The following EIPR1 variants were observed in gnomAD, a reference collection of about 807,000 sequenced individuals.
EIPR1 encodes the protein EARP and GARP complex-interacting protein 1.
A neutral mutation model predicts 48.1 loss-of-function variants in EIPR1; 25 were observed. The ratio of observed to expected loss-of-function variants is 0.52; its 90% CI spans 0.38 to 0.73. The LOEUF is 0.73. Ranked by LOEUF, EIPR1 falls within the 30% of genes least tolerant of loss-of-function variation. The probability of loss-of-function intolerance (pLI) is 0.00; values close to 1 mark genes in which losing one functional copy is unlikely to be tolerated. For missense variants in EIPR1, 415 were observed against 506.2 expected (o/e 0.82, Z 1.73); for synonymous variants, 204 against 201.9 (o/e 1.01, Z -0.09).
chr2:3,205,577 T>C (rs1665201633), intron 5 of EIPR1, among the ~76,000 whole-genome samples: 1 of 152,242 alleles, frequency 6.6e-6, no homozygotes, highest in African/African-American at 2.4e-5. Context: ...GATTCCTCAT[T>C]GTTTAAGTCA....
chr2:3,374,233 A>G (rs1232956337), intron 1 of EIPR1, among the ~76,000 whole-genome samples: 1 of 151,822 alleles, frequency 6.6e-6, no homozygotes, highest in Non-Finnish European at 1.5e-5. Flanking sequence ...TTAATTCAAG[A>G]TGGAATAAAG....
At chr2:3,327,137 G>C (rs934744956) in intron 3 of EIPR1, among the ~76,000 whole-genome samples, 31 of 152,346 alleles carry the variant, frequency 2.0e-4, no homozygotes, top group African/African-American at 7.2e-4. Flanking sequence ...AGCTAGGGTA[G>C]AGCGGGGCCT....
At chr2:3,200,071 G>A (rs1558217921) in intron 5 of EIPR1, among the ~76,000 whole-genome samples, 1 of 152,044 alleles carries the variant, frequency 6.6e-6, no homozygotes, top group Non-Finnish European at 1.5e-5. Flanking sequence ...GTGGCACCTG[G>A]GGCCTCACTA....
At chr2:3,246,808 G>C (rs1169897583) in intron 4 of EIPR1, among the ~76,000 whole-genome samples, 2 of 59,344 alleles carry the variant, frequency 3.4e-5, no homozygotes, top group East Asian at 8.6e-4. Flanking sequence ...AGGGAGGCAG[G>C]GAGGGAGGGA....
At chr2:3,356,114 A>C (rs1029185897) in intron 1 of EIPR1, among the ~76,000 whole-genome samples, 18 of 152,328 alleles carry the variant, frequency 1.2e-4, no homozygotes, top group Admixed American at 9.1e-4. Context: ...TCCAATGGGG[A>C]GCTCTGGAGC....
intron 2 of EIPR1, among the ~76,000 whole-genome samples, chr2:3,343,996 G>A (rs1558311329): frequency 6.6e-6 from 1 of 152,338 alleles, no homozygotes; most frequent in East Asian, 1.9e-4. Flanking sequence ...CTTGAGCCCA[G>A]GAGGTCAAGA....
intron 3 of EIPR1, among the ~76,000 whole-genome samples, chr2:3,300,292 G>A (rs1668727603): frequency 6.6e-6 from 1 of 152,170 alleles, no homozygotes; most frequent in South Asian, 2.1e-4. Flanking sequence ...TGTAACACAT[G>A]TACTCTCCTT....
intron 2 of EIPR1, among the ~76,000 whole-genome samples, chr2:3,352,442 C>G (rs970484729): frequency 2.0e-5 from 3 of 151,866 alleles, no homozygotes; most frequent in African/African-American, 7.3e-5. Context: ...GCCAACCACA[C>G]TGTCTGTTCC....
chr2:3,338,805 T>C (rs995647474), intron 2 of EIPR1, among the ~76,000 whole-genome samples: 2 of 152,242 alleles, frequency 1.3e-5, no homozygotes, highest in Non-Finnish European at 2.9e-5. Flanking sequence ...ATCTCCATGC[T>C]TTCCAGGATA....
chr2:3,207,218 T>C (rs1054521550), intron 5 of EIPR1, among the ~76,000 whole-genome samples: 11 of 152,208 alleles, frequency 7.2e-5, no homozygotes, highest in Admixed American at 4.6e-4. Flanking sequence ...TGAGGAACGC[T>C]GCTCTCCTGT....
chr2:3,343,133 A>G (rs910195241), intron 2 of EIPR1, among the ~76,000 whole-genome samples: 2 of 152,202 alleles, frequency 1.3e-5, no homozygotes, highest in African/African-American at 4.8e-5. Context: ...CCAGGCCTAC[A>G]GGAGCCCCTG....
intron 1 of EIPR1, among the ~76,000 whole-genome samples, chr2:3,364,881 G>A (rs1670936648): frequency 6.6e-6 from 1 of 152,148 alleles, no homozygotes; most frequent in African/African-American, 2.4e-5. Flanking sequence ...CAAATATACA[G>A]TTGGATAGAG....
chr2:3,189,425 G>A lies in EIPR1; in HGVS notation c.1073C>T (p.Ala358Val). The A allele has an allele frequency of 1.3e-6, 2 of 1,598,758 alleles. No individual in the cohort carries two copies. Among genetic ancestry groups the A allele is most frequent in the Non-Finnish European group, 1.7e-6 (2 of 1,172,072 alleles). The part of the protein sequence containing the change: ...DSVYAVDWSS[A>V]DPWLFASLSY... The stretch of plus-strand genomic sequence containing the variant: ...CAGGGAGGCAAACAGCCACGGGTCA[G>A]CCGAGGACCAGTCCACGGCATAGAC... The change falls in exon 9 of 9, where the codon GCT becomes GTT. Residue 358 changes from alanine (A) to valine (V), a missense_variant. Coordinates refer to ENST00000382125, the MANE Select transcript of EIPR1 (RefSeq NM_003310.5). This position sits in a 1 kb window ranked among gnomAD's most constrained non-coding sequence, Gnocchi z 4.6.
chr2:3,246,689 G>A (rs1455840036), intron 4 of EIPR1, among the ~76,000 whole-genome samples: 1 of 151,710 alleles, frequency 6.6e-6, no homozygotes, highest in African/African-American at 2.4e-5. Context: ...CTCAGCTCCA[G>A]CCCACAGGAC....
chr2:3,269,605 ACT>A (rs1558263732), intron 3 of EIPR1, among the ~76,000 whole-genome samples: 4 of 112,768 alleles, frequency 3.5e-5, no homozygotes, highest in South Asian at 6.4e-4. Flanking sequence ...ACTCAATCGC[ACT>A]CAATCATCAC....
intron 4 of EIPR1, among the ~76,000 whole-genome samples, chr2:3,237,257 CACACACACACACA>C (rs1666435079): frequency 1.3e-5 from 2 of 151,180 alleles, no homozygotes; most frequent in African/African-American, 4.9e-5. Context: ...CACACACACA[CACACACACACACA>C]CCATACATAT....
At chr2:3,328,897 G>A (rs115482209) in intron 3 of EIPR1, among the ~76,000 whole-genome samples, 230 of 64,726 alleles carry the variant, frequency 3.6e-3, no homozygotes, top group East Asian at 0.013. Flanking sequence ...TGATCTCGGG[G>A]TGCCAGCCTG....
chr2:3,254,197 C>T (rs189502311), intron 4 of EIPR1, among the ~76,000 whole-genome samples: 74 of 152,254 alleles, frequency 4.9e-4, no homozygotes, highest in African/African-American at 1.7e-3. Context: ...CTAATCATAA[C>T]ACTTTCACAC....
At chr2:3,291,513 T>C (rs1452245944) in intron 3 of EIPR1, among the ~76,000 whole-genome samples, 1 of 152,196 alleles carries the variant, frequency 6.6e-6, no homozygotes, top group Non-Finnish European at 1.5e-5. Context: ...AGATCAAAAT[T>C]ATATCATAAA....
Sources: allele counts gnomAD v4.1 joint callset (sites outside exome capture counted in the v4.1 genomes callset), GRCh38; gene constraint gnomAD v4.1.1; non-coding constraint Gnocchi (gnomAD v3.1); transcripts MANE v1.5; gene names NCBI Gene and HGNC (gene_info 2026-07-23, HGNC 2026-07-21).